CSMD1: variants seen among roughly 807,000 people sequenced by gnomAD.
CSMD1 encodes the protein CUB and sushi domain-containing protein 1.
CSMD1 carries 213 observed loss-of-function variants against 417.5 expected under a neutral mutation model. The ratio of observed to expected loss-of-function variants is 0.51; its 90% CI spans 0.46 to 0.57. The LOEUF is 0.57. CSMD1 is among the 20% of genes least tolerant of loss of function. The probability of loss-of-function intolerance (pLI) is 0.00; values close to 1 mark genes in which losing one functional copy is unlikely to be tolerated. For missense variants in CSMD1, 6,923 were observed against 4,529.7 expected, an observed-to-expected ratio of 1.53 and a Z score of -15.17; for synonymous variants, 2,862 against 1,736.8, an observed-to-expected ratio of 1.65 and a Z score of -16.11.
At chr8:3,774,818 C>T (rs1798811605) in intron 5 of CSMD1, among the ~76,000 whole-genome samples, 1 of 152,152 alleles carries the variant, frequency 6.6e-6, no homozygotes, top group Non-Finnish European at 1.5e-5. Flanking sequence ...GCTGCCCCGT[C>T]ATTCTCAAGG....
At chr8:4,616,318 T>C (rs1446527981) in intron 2 of CSMD1, among the ~76,000 whole-genome samples, 1 of 152,132 alleles carries the variant, frequency 6.6e-6, no homozygotes, top group African/African-American at 2.4e-5. Context: ...AGGAAAATAA[T>C]AGGGAAGATG....
At chr8:4,281,074 G>C (rs1295185075) in intron 3 of CSMD1, among the ~76,000 whole-genome samples, 2 of 152,196 alleles carry the variant, frequency 1.3e-5, no homozygotes, top group African/African-American at 2.4e-5. Context: ...TTCCAAGGCA[G>C]AGGCTGCCCC....
chr8:3,186,499 T>C (rs1821769296), intron 36 of CSMD1, among the ~76,000 whole-genome samples: 1 of 152,122 alleles, frequency 6.6e-6, no homozygotes, highest in African/African-American at 2.4e-5. Context: ...CATGCCCAAA[T>C]AAAAATATGG....
intron 10 of CSMD1, among the ~76,000 whole-genome samples, chr8:3,568,029 C>T (rs1321729700): frequency 1.3e-5 from 2 of 152,174 alleles, no homozygotes; most frequent in South Asian, 4.2e-4. Context: ...CTGACAGAAG[C>T]CACTATTAGA....
intron 49 of CSMD1, among the ~76,000 whole-genome samples, chr8:3,084,357 C>A (rs1049752562): frequency 2.6e-5 from 4 of 151,514 alleles, no homozygotes; most frequent in Non-Finnish European, 5.9e-5. Context: ...AACTCCATCT[C>A]TACTAAATAC....
chr8:4,803,903 G>C (rs1161443209), intron 1 of CSMD1, among the ~76,000 whole-genome samples: 1 of 152,134 alleles, frequency 6.6e-6, no homozygotes. Context: ...GCCTGAGAAA[G>C]CAGCTAGCCC....
intron 1 of CSMD1, among the ~76,000 whole-genome samples, chr8:4,817,152 TACAC>T (rs541127360): frequency 6.6e-6 from 1 of 152,176 alleles, no homozygotes; most frequent in Non-Finnish European, 1.5e-5. Flanking sequence ...TTTACATAAA[TACAC>T]ACACATGTAT....
chr8:3,659,844 T>C (rs1294061038), intron 7 of CSMD1, among the ~76,000 whole-genome samples: 1 of 152,198 alleles, frequency 6.6e-6, no homozygotes, highest in Non-Finnish European at 1.5e-5. Flanking sequence ...AAATAGACTA[T>C]ACAATTTCAA....
chr8:4,375,136 G>A (rs536177624), intron 3 of CSMD1, among the ~76,000 whole-genome samples: 1 of 152,234 alleles, frequency 6.6e-6, no homozygotes, highest in East Asian at 1.9e-4. Context: ...GGCAACTGTA[G>A]ATAGGTGAAA....
chr8:4,631,131 G>C (rs1056175406), intron 2 of CSMD1, among the ~76,000 whole-genome samples: 1 of 152,164 alleles, frequency 6.6e-6, no homozygotes, highest in African/African-American at 2.4e-5. Flanking sequence ...GGGAGGCCGA[G>C]GCGGGTGGAT....
chr8:4,081,520 C>G (rs1302542451), intron 3 of CSMD1, among the ~76,000 whole-genome samples: 37 of 152,084 alleles, frequency 2.4e-4, no homozygotes, highest in Non-Finnish European at 1.5e-5. Context: ...ACTGGGGTCC[C>G]CCTACCAACC....
chr8:3,729,944 A>G (rs1802733326), intron 6 of CSMD1, among the ~76,000 whole-genome samples: 1 of 18,208 alleles, frequency 5.5e-5, no homozygotes, highest in Non-Finnish European at 4.8e-4. Context: ...AAAAAAAAAA[A>G]AAAAAAAAAA....
chr8:3,338,923 G>A (rs1015314026), intron 23 of CSMD1, among the ~76,000 whole-genome samples: 18 of 150,796 alleles, frequency 1.2e-4, no homozygotes, highest in Non-Finnish European at 2.1e-4. Flanking sequence ...CCATGCTGGT[G>A]CGCTGCACCC....
intron 3 of CSMD1, among the ~76,000 whole-genome samples, chr8:4,202,128 A>G (rs569962652): frequency 6.6e-6 from 1 of 152,172 alleles, no homozygotes; most frequent in South Asian, 2.1e-4. Context: ...TAGAGAAAAC[A>G]TCTTTCAATC....
chr8:4,290,972 C>G (rs533034880), intron 3 of CSMD1, among the ~76,000 whole-genome samples: 1 of 152,140 alleles, frequency 6.6e-6, no homozygotes, highest in Non-Finnish European at 1.5e-5. Flanking sequence ...GGCAAAATTT[C>G]ATCTCCCTAA....
At chr8:4,376,606 A>C (rs56362280) in intron 3 of CSMD1, among the ~76,000 whole-genome samples, 4 of 152,008 alleles carry the variant, frequency 2.6e-5, no homozygotes, top group African/African-American at 9.7e-5. Flanking sequence ...GACAATTTTT[A>C]GGGGGGAATT....
At chr8:3,860,827 C>T (rs112418692) in intron 5 of CSMD1, among the ~76,000 whole-genome samples, 1,875 of 152,216 alleles carry the variant, frequency 0.012, 54 homozygotes, top group African/African-American at 0.042. Flanking sequence ...GGTGAACAAA[C>T]GTGTTCTCTA....
chr8:4,492,941 C>T (rs547954078), intron 2 of CSMD1, among the ~76,000 whole-genome samples: 22 of 152,336 alleles, frequency 1.4e-4, no homozygotes, highest in South Asian at 4.1e-4. Flanking sequence ...GCAGTGAAAA[C>T]TCTTATTAAA....
intron 3 of CSMD1, among the ~76,000 whole-genome samples, chr8:4,105,985 T>G (rs934068623): frequency 1.3e-5 from 2 of 152,008 alleles, no homozygotes; most frequent in Non-Finnish European, 2.9e-5. Context: ...CACAGGAAAA[T>G]GTAGAGCAGG....
Sources: gnomAD v4.1 joint callset for allele counts (sites outside exome capture counted in the v4.1 genomes callset) on GRCh38, gnomAD v4.1.1 for gene constraint, MANE v1.5 for transcripts, NCBI Gene and HGNC (gene_info 2026-07-23, HGNC 2026-07-21) for gene names.